LRP5: variants seen among roughly 807,000 people sequenced by gnomAD.
The protein encoded by LRP5 is LDL receptor related protein 5, also known as low-density lipoprotein receptor-related protein 5.
LRP5 carries 62 observed loss-of-function variants against 154.1 expected under a neutral mutation model. The ratio of observed to expected loss-of-function variants is 0.40; its 90% confidence interval spans 0.33 to 0.50. The LOEUF (loss-of-function observed/expected upper bound fraction) is 0.50, where lower values mean the gene tolerates loss of function less well. LRP5 is among the 20% of genes least tolerant of loss of function. The probability of loss-of-function intolerance (pLI) is 0.55; values close to 1 mark genes in which losing one functional copy is unlikely to be tolerated. For synonymous variants in LRP5, 966 were observed against 1,011.5 expected, an observed-to-expected ratio of 0.96 and a Z score of 0.85; for missense variants, 1,915 against 2,336.7, an observed-to-expected ratio of 0.82 and a Z score of 3.72.
At chr11:68,370,882 T>C (rs1446911225) in intron 5 of LRP5, among the ~76,000 whole-genome samples, 2 of 152,134 alleles carry the variant, frequency 1.3e-5, no homozygotes, top group African/African-American at 4.8e-5. Context: ...GTGTGTAGGG[T>C]GTTCTGTCAA....
At chr11:68,385,849 C>CA (rs1190520545) in intron 5 of LRP5, among the ~76,000 whole-genome samples, 1 of 151,994 alleles carries the variant, frequency 6.6e-6, no homozygotes, top group East Asian at 1.9e-4. Flanking sequence ...TCGAGCTGGG[C>CA]AGGAAGGGTG....
intron 8 of LRP5, among the ~76,000 whole-genome samples, chr11:68,405,892 G>C (rs570019428): frequency 1.4e-3 from 217 of 152,372 alleles, no homozygotes; most frequent in Non-Finnish European, 2.8e-3. Flanking sequence ...CAGGAGCCAA[G>C]GCCCTGAGGG....
intron 1 of LRP5, among the ~76,000 whole-genome samples, chr11:68,320,239 C>T (rs1490588347): frequency 3.9e-5 from 6 of 152,274 alleles, no homozygotes; most frequent in African/African-American, 9.6e-5. Flanking sequence ...CAAGCATCTA[C>T]GAGAACACAC....
chr11:68,397,651 G>A (rs200475119), intron 7 of LRP5, among the ~76,000 whole-genome samples: 91 of 133,932 alleles, frequency 6.8e-4, no homozygotes, highest in Non-Finnish European at 1.2e-3. Context: ...CATCACCGTC[G>A]TCATCATCAC....
At chr11:68,438,785 A>AT in intron 20 of LRP5, 103 bp downstream of exon 20, 1 of 972,316 alleles carries the variant, frequency 1.0e-6, no homozygotes, top group East Asian at 2.4e-5. Context: ...CCTCTTGCAC[A>AT]TGTGGCAGAC....
At chr11:68,359,101 TAAC>T (rs2098625591) in intron 3 of LRP5, among the ~76,000 whole-genome samples, 1 of 152,202 alleles carries the variant, frequency 6.6e-6, no homozygotes, top group Admixed American at 6.5e-5. Flanking sequence ...GCCCACAACT[TAAC>T]AGCCTGAAAC....
Position 68,312,752 on chromosome 11 carries a change from T to TGCC in LRP5, c.40_41insCGC (p.Leu13_Leu14insPro), listed in dbSNP as rs1392609074. On this transcript the variant is annotated inframe_insertion, in exon 1 of 23. Coordinates refer to ENST00000294304, the MANE Select transcript of LRP5 (RefSeq NM_002335.4). ...CCGCCCGGGCCGCCGTGGCCGCTGC[T>TGCC]GCTGCTGCTGCTGCTGCTGCTGGCG... The TGCC allele has an allele frequency of 9.7e-7, 1 of 1,029,314 alleles. No individual in the cohort carries two copies. Among genetic ancestry groups the TGCC allele is most frequent in the African/African-American group, 1.8e-5 (1 of 56,728 alleles). The allele number at this position is 1,029,314 out of a possible 1,614,324, so 63.8% of individuals were successfully genotyped here.
chr11:68,376,048 GGC>G (rs2098637139), intron 5 of LRP5, among the ~76,000 whole-genome samples: 1 of 152,222 alleles, frequency 6.6e-6, no homozygotes, highest in African/African-American at 2.4e-5. Context: ...CTGCCACTGA[GGC>G]GGGGTGGGTG....
intron 1 of LRP5, among the ~76,000 whole-genome samples, chr11:68,346,570 T>C (rs1458573742): frequency 6.6e-6 from 1 of 152,212 alleles, no homozygotes; most frequent in African/African-American, 2.4e-5. Flanking sequence ...GTGATTGTCA[T>C]TGGCTGAGTT....
chr11:68,324,098 C>G (rs1178680947), intron 1 of LRP5, among the ~76,000 whole-genome samples: 1 of 152,192 alleles, frequency 6.6e-6, no homozygotes, highest in Admixed American at 6.5e-5. Flanking sequence ...CCGTCCGCTG[C>G]GTCTGCCTCT....
At chr11:68,443,998 G>A (rs1292839320) in intron 21 of LRP5, among the ~76,000 whole-genome samples, 9 of 151,888 alleles carry the variant, frequency 5.9e-5, no homozygotes, top group African/African-American at 1.7e-4. Flanking sequence ...TTCGTTTTAC[G>A]TTCACATCTT....
At chr11:68,352,829 A>G (rs1361144119) in intron 2 of LRP5, among the ~76,000 whole-genome samples, 2 of 145,550 alleles carry the variant, frequency 1.4e-5, no homozygotes, top group Admixed American at 1.4e-4. Context: ...TGGGAGGTGC[A>G]TGATGCTCAG....
chr11:68,371,716 G>C (rs2098634104), intron 5 of LRP5, among the ~76,000 whole-genome samples: 1 of 152,274 alleles, frequency 6.6e-6, no homozygotes, highest in Non-Finnish European at 1.5e-5. Flanking sequence ...TCACCCAGGG[G>C]CAACGTGAAG....
intron 1 of LRP5, among the ~76,000 whole-genome samples, chr11:68,343,824 G>T (rs893712284): frequency 6.6e-6 from 1 of 152,122 alleles, no homozygotes. Flanking sequence ...AGACCCCCTC[G>T]CGGCTGCCAT....
intron 5 of LRP5, among the ~76,000 whole-genome samples, chr11:68,384,564 A>G (rs589519): frequency 0.97 from 148,196 of 152,302 alleles, 72,163 homozygotes; most frequent in East Asian, 1. Context: ...CAGCAACCTC[A>G]GGAAGGATCT....
At chr11:68,416,606 C>A in intron 13 of LRP5, 79 bp downstream of exon 13, 1 of 1,370,342 alleles carries the variant, frequency 7.3e-7, no homozygotes, top group Non-Finnish European at 1.0e-6. Flanking sequence ...CTGCCCCTGT[C>A]CTTAGCAGAG....
chr11:68,443,566 TATA>T (rs2098679561), intron 21 of LRP5, among the ~76,000 whole-genome samples: 1 of 41,036 alleles, frequency 2.4e-5, no homozygotes, highest in African/African-American at 1.2e-4. Context: ...TATATATATA[TATA>T]TATATATATA....
intron 1 of LRP5, among the ~76,000 whole-genome samples, chr11:68,313,133 G>T (rs945075734): frequency 6.7e-6 from 1 of 150,032 alleles, no homozygotes; most frequent in African/African-American, 2.4e-5. Flanking sequence ...CGCTGGGCCC[G>T]TGTGGCCCGG....
upstream of LRP5, among the ~76,000 whole-genome samples, chr11:68,309,977 A>G (rs2098586789): frequency 6.6e-6 from 1 of 152,220 alleles, no homozygotes; most frequent in Admixed American, 6.5e-5. Context: ...TTTACTGAGC[A>G]CCTACTGTGT....
Sources: gnomAD v4.1 joint callset for allele counts (sites outside exome capture counted in the v4.1 genomes callset) on GRCh38, gnomAD v4.1.1 for gene constraint, MANE v1.5 for transcripts, NCBI Gene and HGNC (gene_info 2026-07-23, HGNC 2026-07-21) for gene names.